Variants in ADCY9 observed in about 807,000 individuals in gnomAD.
ADCY9 encodes the protein adenylate cyclase type 9.
Under a neutral mutation model 101.5 loss-of-function variants are expected in ADCY9, and 50 were observed. That is an observed-to-expected ratio of 0.49 (90% CI 0.39 to 0.62). ADCY9 has a LOEUF of 0.62. Among genes scored for constraint, ADCY9 ranks in the 20% least tolerant of loss-of-function variants. ADCY9 has a pLI of 0.00. For missense variants in ADCY9, 1,662 were observed against 1,800.4 expected, an observed-to-expected ratio of 0.92 and a Z score of 1.39; for synonymous variants, 905 against 769.3, an observed-to-expected ratio of 1.18 and a Z score of -2.92.
At position 3,992,722 on chromosome 16, in the gene ADCY9, G is replaced by A. The variant is rs374009187; in HGVS notation, c.1990-359C>T. 3.9e-5 allele frequency among the ~76,000 whole-genome samples: 6 copies of A among 152,276 alleles called. No individual in the cohort carries two copies. The East Asian group carries it at 9.7e-4, about 25-fold the overall frequency. On this transcript the variant is annotated intron_variant, in intron 4 of 10. Transcript: ENST00000294016. This position sits in a 1 kb window ranked among gnomAD's most constrained non-coding sequence, Gnocchi z 4.2. ...CCAGAACCACGGTTCTGGGAGCAGG[G>A]TGCATGGGTCGGGGGTCCAGGAGAA...
chr16:3,958,834 CTGATT>C (rs2055922714), downstream of ADCY9, among the ~76,000 whole-genome samples: 1 of 151,694 alleles, frequency 6.6e-6, no homozygotes, highest in Non-Finnish European at 1.5e-5. Flanking sequence ...CTACGCCTGG[CTGATT>C]TGATTTTTGT....
rs937604643 is a variant in ADCY9, at chr16:4,019,946, C to A, written c.1694-12388G>T. 5.3e-5 allele frequency among the ~76,000 whole-genome samples: 8 copies of A among 152,160 alleles called. 1 individual carries two copies. The highest frequency in any genetic ancestry group is 6.6e-5 in the Admixed American group (1 of 15,266). ...TACAAAAATTAACCGGGCGTGGTGG[C>A]GGGAGCCTGTAATCCCAGCTACTCG... On this transcript the variant is annotated intron_variant, in intron 2 of 10. Transcript: ENST00000294016.
chr16:3,968,166 G>C (rs1015339767), intron 10 of ADCY9, among the ~76,000 whole-genome samples: 1 of 149,656 alleles, frequency 6.7e-6, no homozygotes, highest in Non-Finnish European at 1.5e-5. Context: ...CTTTTTTTTT[G>C]AGACGGAGTT....
intron 2 of ADCY9, among the ~76,000 whole-genome samples, chr16:4,038,628 G>A (rs539435946): frequency 6.6e-6 from 1 of 152,260 alleles, no homozygotes; most frequent in Admixed American, 6.5e-5. Flanking sequence ...TTTGCAGTAT[G>A]AAGTCAGCAT....
chr16:3,961,006 TG>T (rs34287895), downstream of ADCY9, among the ~76,000 whole-genome samples: 80,555 of 151,954 alleles, frequency 0.53, 21,733 homozygotes, highest in Non-Finnish European at 0.59. Flanking sequence ...ATTCCCACAG[TG>T]GGGGAAAAGC....
At chr16:4,032,398 T>A (rs1239747337) in intron 2 of ADCY9, among the ~76,000 whole-genome samples, 3 of 152,134 alleles carry the variant, frequency 2.0e-5, no homozygotes, top group Non-Finnish European at 4.4e-5. Context: ...GGACGGCTGC[T>A]GGGTGGCTGG....
Position 4,115,019 on chromosome 16 carries a change from G to C in ADCY9, c.424C>G (p.Leu142Val), listed in dbSNP as rs754087926. 3.1e-6 allele frequency: 5 copies of C among 1,614,138 alleles called. No homozygotes were observed. The South Asian group carries it at 5.5e-5, about 18-fold the overall frequency. Residue 142 changes from leucine (L) to valine (V), a missense_variant, in exon 2 of 11, where the codon CTG becomes GTG. Physicochemically the swap from Leu to Val is conservative, Grantham distance 32. Transcript: ENST00000294016. The surrounding 1 kb of genome is among the most constrained non-coding windows in gnomAD (Gnocchi z 6.2). ...AGCGCGGGGGCGACCATGACGATCA[G>C]TCTGGATCTCATGTGGACCGCAAAA... is the stretch of plus-strand genomic sequence containing the variant. The part of the protein sequence containing the change: ...IYFAVHMRSR[L>V]IVMVAPALCF...
intron 2 of ADCY9, among the ~76,000 whole-genome samples, chr16:4,074,452 T>C (rs2056853933): frequency 6.6e-6 from 1 of 150,742 alleles, no homozygotes; most frequent in Admixed American, 6.6e-5. Flanking sequence ...CCCAGCACTT[T>C]GGGAGGTAGA....
chr16:4,111,995 G>A lies in ADCY9; in HGVS notation c.1693+1755C>T, dbSNP rs555733673. On this transcript the variant is annotated intron_variant, in intron 2 of 10. Coordinates refer to ENST00000294016, the MANE Select transcript of ADCY9 (RefSeq NM_001116.4). ...TACACCCTCTTCATTTTTGAAATTCGAGTAATACAGCATACAAAGTACAGC... is the reference window on the plus strand; with the variant it reads ...TACACCCTCTTCATTTTTGAAATTCAAGTAATACAGCATACAAAGTACAGC... Among the ~76,000 whole-genome samples, 68 of 152,028 alleles carry A rather than the reference G, an allele frequency of 4.5e-4. 1 individual carries two copies. Among genetic ancestry groups the A allele is most frequent in the Non-Finnish European group, 7.2e-4 (49 of 67,972 alleles).
chr16:4,093,081 C>T (rs1158326859), intron 2 of ADCY9, among the ~76,000 whole-genome samples: 5 of 152,122 alleles, frequency 3.3e-5, no homozygotes, highest in African/African-American at 1.2e-4. Context: ...AAAATTACCT[C>T]TTATTTGGCA....
chr16:4,000,559 A>T (rs550398685), intron 3 of ADCY9, among the ~76,000 whole-genome samples: 1 of 152,338 alleles, frequency 6.6e-6, no homozygotes, highest in African/African-American at 2.4e-5. Flanking sequence ...ATTATCACAG[A>T]AAAAGAAATT....
intron 2 of ADCY9, among the ~76,000 whole-genome samples, chr16:4,009,405 G>A (rs1343020992): frequency 6.6e-6 from 1 of 152,066 alleles, no homozygotes; most frequent in South Asian, 2.1e-4. Context: ...ACAAACGTCC[G>A]CCACTATGTC....
At chr16:4,092,769 T>A (rs1289545187) in intron 2 of ADCY9, among the ~76,000 whole-genome samples, 3 of 152,232 alleles carry the variant, frequency 2.0e-5, no homozygotes, top group African/African-American at 7.2e-5. Flanking sequence ...GCACAAAGGC[T>A]GACTCCTTAG....
intron 2 of ADCY9, among the ~76,000 whole-genome samples, chr16:4,053,152 T>G (rs1398709358): frequency 6.6e-6 from 1 of 152,236 alleles, no homozygotes; most frequent in Non-Finnish European, 1.5e-5. Flanking sequence ...TCAATGGGCA[T>G]GCGCTTCCGG....
chr16:4,040,320 C>T (rs2056618464), intron 2 of ADCY9, among the ~76,000 whole-genome samples: 1 of 152,076 alleles, frequency 6.6e-6, no homozygotes, highest in South Asian at 2.1e-4. Flanking sequence ...TTCTTTCCTT[C>T]CTTTTAAATT....
At chr16:4,008,571 C>CTTT (rs879832120) in intron 2 of ADCY9, among the ~76,000 whole-genome samples, 1 of 141,530 alleles carries the variant, frequency 7.1e-6, no homozygotes, top group Admixed American at 7.1e-5. Context: ...AGGGTCCCTT[C>CTTT]TTTTTTTTTT....
chr16:4,050,713 CAAAA>C (rs5815192), intron 2 of ADCY9, among the ~76,000 whole-genome samples: 3 of 69,638 alleles, frequency 4.3e-5, no homozygotes, highest in African/African-American at 1.9e-4. Context: ...AACTCCGTCT[CAAAA>C]AAAAAAAAAA....
intron 2 of ADCY9, among the ~76,000 whole-genome samples, chr16:4,030,154 T>C (rs1017494705): frequency 6.6e-6 from 1 of 152,198 alleles, no homozygotes; most frequent in Non-Finnish European, 1.5e-5. Context: ...ATTCCCCTTC[T>C]AGACATTGAT....
chr16:4,107,101 G>C (rs2141205682), intron 2 of ADCY9, among the ~76,000 whole-genome samples: 1 of 152,326 alleles, frequency 6.6e-6, no homozygotes, highest in African/African-American at 2.4e-5. Flanking sequence ...CAAAGAGCCT[G>C]AACAAATGGT....
Sources: gnomAD v4.1 joint callset for allele counts (sites outside exome capture counted in the v4.1 genomes callset) on GRCh38, gnomAD v4.1.1 for gene constraint, Gnocchi (gnomAD v3.1) non-coding constraint, MANE v1.5 for transcripts, NCBI Gene and HGNC (gene_info 2026-07-23, HGNC 2026-07-21) for gene names.